The following NBPF26 variants were observed in gnomAD, a reference collection of about 807,000 sequenced individuals.
The protein encoded by NBPF26 is NBPF member 26, also known as NBPF family member NBPF26.
A neutral mutation model predicts 119.6 loss-of-function variants in NBPF26; 79 were observed. The observed-to-expected ratio is 0.66, with a 90% CI of 0.55 to 0.80. The LOEUF (loss-of-function observed/expected upper bound fraction) is 0.80, where lower values mean the gene tolerates loss of function less well. Among genes scored for constraint, NBPF26 ranks in the 30% least tolerant of loss-of-function variants. The probability of loss-of-function intolerance (pLI) is 0.00; values close to 1 mark genes in which losing one functional copy is unlikely to be tolerated. For missense variants in NBPF26, 800 were observed against 1,198.2 expected (o/e 0.67, Z 4.91); for synonymous variants, 299 against 457.7 (o/e 0.65, Z 4.43).
chr1:120,807,839 A>G (rs1651741611), intron 6 of NBPF26, 130 bp downstream of exon 6: 2 of 532,526 alleles, frequency 3.8e-6, no homozygotes, highest in African/African-American at 3.2e-5. Context: ...CAGGCTCGCT[A>G]CACACAAATA....
intron 4 of NBPF26, among the ~76,000 whole-genome samples, chr1:120,802,810 T>C (rs1359586920): frequency 2.6e-5 from 3 of 113,362 alleles, no homozygotes; most frequent in Non-Finnish European, 5.0e-5. Flanking sequence ...CATTGAGACA[T>C]GAAGAACAGA....
At chr1:120,763,402 A>G (rs1239933086) in intron 1 of NBPF26, among the ~76,000 whole-genome samples, 1 of 106,590 alleles carries the variant, frequency 9.4e-6, no homozygotes, top group Non-Finnish European at 1.7e-5. Context: ...TAAAACACAG[A>G]GAAATAAGAG....
At chr1:120,729,001 T>A (rs1650846472) in intron 1 of NBPF26, among the ~76,000 whole-genome samples, 2 of 116,638 alleles carry the variant, frequency 1.7e-5, no homozygotes, top group Non-Finnish European at 3.3e-5. Flanking sequence ...TTGTCTGGCA[T>A]GTGCCCCAAA....
chr1:120,804,665 G>A lies in NBPF26; in HGVS notation c.752-891G>A, dbSNP rs1346338346. Among the ~76,000 whole-genome samples the A allele has an allele frequency of 2.3e-4, 27 of 119,994 alleles. 2 individuals are homozygous for A. Among genetic ancestry groups the A allele is most frequent in the African/African-American group, 1.1e-3 (25 of 22,454 alleles). The allele number at this position is 119,994 out of a possible 152,430, so 78.7% of individuals were successfully genotyped here. A position where few individuals can be genotyped will look rare whatever the true frequency, so the allele number is the denominator to read the frequency against. ...CATCTATAAGTGACAAGTTTAAAAT[G>A]TAGTGCTCAGTGACATTAAAAAACA... On this transcript the variant is annotated intron_variant, in intron 4 of 29. Coordinates refer to ENST00000620612, the Ensembl canonical transcript of NBPF26.
At chr1:120,840,453 T>C in exon 30 of NBPF26, 1 of 1,476,936 alleles carries the variant, frequency 6.8e-7, no homozygotes, top group Admixed American at 1.8e-5. Context: ...ACCTGACTCA[T>C]TCCAGCACTA....
intron 29 of NBPF26, 118 bp from the exon 36 acceptor site, chr1:120,840,232 T>A: frequency 7.2e-7 from 1 of 1,390,746 alleles, no homozygotes; most frequent in Non-Finnish European, 9.5e-7. Context: ...TTTACCTCAT[T>A]AATGGATCTA....
chr1:120,820,361 G>T (rs1652102346), intron 15 of NBPF26, among the ~76,000 whole-genome samples: 1 of 56,078 alleles, frequency 1.8e-5, no homozygotes, highest in Admixed American at 1.8e-4. Context: ...ATGAGTTAAT[G>T]GGTGAAGCAC....
intron 18 of NBPF26, chr1:120,824,875 A>G: frequency 3.7e-6 from 1 of 272,690 alleles, no homozygotes; most frequent in South Asian, 2.8e-5. Context: ...GAAATTGAAA[A>G]GTACCAAGAA....
intron 1 of NBPF26, among the ~76,000 whole-genome samples, chr1:120,752,566 TTTTTTTTTC>T (rs1651034932): frequency 4.3e-4 from 11 of 25,446 alleles, no homozygotes; most frequent in Non-Finnish European, 5.6e-4. Context: ...TTTTTTTTTT[TTTTTTTTTC>T]TTTTTTTTTT....
exon 5 of NBPF26, chr1:120,805,667 C>G: frequency 6.9e-7 from 1 of 1,457,974 alleles, no homozygotes; most frequent in Non-Finnish European, 9.3e-7. Context: ...ACATTGCGCC[C>G]CCAGCTGCCA....
chr1:120,814,777 C>T lies in NBPF26; in HGVS notation c.1878-52C>T, dbSNP rs1341157900. 71 of 1,096,046 alleles carry T rather than the reference C, an allele frequency of 6.5e-5. 15 individuals carry two copies. Among genetic ancestry groups the T allele is most frequent in the East Asian group, 2.8e-4 (12 of 43,164 alleles). The allele number at this position is 1,096,046 out of a possible 1,614,324, so 67.9% of individuals were successfully genotyped here. A position where few individuals can be genotyped will look rare whatever the true frequency, so the allele number is the denominator to read the frequency against. On this transcript the variant is annotated intron_variant, in intron 11 of 29. Coordinates refer to ENST00000620612, the Ensembl canonical transcript of NBPF26. ...AGAAATCTCTGTTGCAATATTTGAGCGGATCACTCAACCCTTTCTACTCTT... is the reference window on the plus strand; with the variant it reads ...AGAAATCTCTGTTGCAATATTTGAGTGGATCACTCAACCCTTTCTACTCTT...
chr1:120,813,043 G>A (rs1408977190), intron 10 of NBPF26, among the ~76,000 whole-genome samples: 1 of 119,276 alleles, frequency 8.4e-6, no homozygotes, highest in Non-Finnish European at 1.6e-5. Flanking sequence ...TTGCTAAAGA[G>A]GAAGAAAGAT....
At chr1:120,790,590 TTC>T (rs1351695055) in intron 3 of NBPF26, among the ~76,000 whole-genome samples, 3 of 88,566 alleles carry the variant, frequency 3.4e-5, no homozygotes, top group African/African-American at 1.5e-4. Context: ...CTTTCTTTCT[TTC>T]TCTTTCTCTC....
At chr1:120,838,540 GTGTGTGTC>G (rs1286105222) in intron 27 of NBPF26, among the ~76,000 whole-genome samples, 197 bp from the exon 34 acceptor site, 21 of 82,802 alleles carry the variant, frequency 2.5e-4, no homozygotes, top group African/African-American at 1.2e-3. Context: ...GTGTGTGTGT[GTGTGTGTC>G]TATCTGTCTT....
intron 2 of NBPF26, among the ~76,000 whole-genome samples, chr1:120,777,659 CTT>C (rs1222639788): frequency 5.5e-5 from 3 of 54,878 alleles, no homozygotes; most frequent in Non-Finnish European, 8.9e-5. Flanking sequence ...TTTTTTCTTT[CTT>C]TTTTTTTTGA....
In NBPF26 at chr1:120,822,157, G is replaced by T; in HGVS notation, c.2477G>T (p.Gly826Val). 3.1e-6 allele frequency: 4 copies of T among 1,272,646 alleles called. 1 individual carries two copies. The highest frequency in any genetic ancestry group is 2.6e-4 in the Middle Eastern group (1 of 3,780). The allele number at this position is 1,272,646 out of a possible 1,614,324, so 78.8% of individuals were successfully genotyped here. A position where few individuals can be genotyped will look rare whatever the true frequency, so the allele number is the denominator to read the frequency against. Residue 826 changes from glycine (G) to valine (V), a missense_variant, in exon 16 of 30, where the codon GGT (glycine) becomes GTT (valine). Coordinates refer to ENST00000620612, the Ensembl canonical transcript of NBPF26. ...GTCCCCCAGGAGTCCTGGGATGAAG[G>T]TTATTCGACTCTCTCAATTCCTCCT...
intron 4 of NBPF26, among the ~76,000 whole-genome samples, chr1:120,805,109 C>T (rs1317166382): frequency 2.4e-5 from 3 of 124,542 alleles, no homozygotes; most frequent in Middle Eastern, 3.5e-3. Context: ...GGGAAAGACA[C>T]GGGTCTGTGG....
intron 1 of NBPF26, among the ~76,000 whole-genome samples, chr1:120,759,267 CTTTTTTT>C (rs1169932555): frequency 3.0e-4 from 10 of 33,284 alleles, no homozygotes; most frequent in Middle Eastern, 0.017. Flanking sequence ...CTTCTTTTTG[CTTTTTTT>C]TTTTTTTTTT....
At chr1:120,790,289 C>A (rs1651470214) in intron 3 of NBPF26, among the ~76,000 whole-genome samples, 1 of 111,288 alleles carries the variant, frequency 9.0e-6, no homozygotes, top group South Asian at 2.6e-4. Context: ...GCTGGGATTA[C>A]AGGTGTGAGC....
Sources: allele counts gnomAD v4.1 joint callset (sites outside exome capture counted in the v4.1 genomes callset), GRCh38; gene constraint gnomAD v4.1.1; transcripts MANE v1.5; gene names NCBI Gene and HGNC (gene_info 2026-07-23, HGNC 2026-07-21).